Variants in ZNF618 observed in about 807,000 individuals in gnomAD.
The protein encoded by ZNF618 is zinc finger protein 618.
A neutral mutation model predicts 103.0 loss-of-function variants in ZNF618; 34 were observed. The observed-to-expected ratio is 0.33, with a 90% CI of 0.25 to 0.44. The LOEUF is 0.44. Among genes scored for constraint, ZNF618 ranks in the 20% least tolerant of loss-of-function variants. The probability of loss-of-function intolerance (pLI) is 1.00; values close to 1 mark genes in which losing one functional copy is unlikely to be tolerated. For missense variants in ZNF618, 1,059 were observed against 1,295.4 expected (o/e 0.82, Z 2.80); for synonymous variants, 551 against 542.2 (o/e 1.02, Z -0.23).
intron 10 of ZNF618, among the ~76,000 whole-genome samples, chr9:114,027,410 C>T (rs10125470): frequency 0.44 from 67,023 of 152,154 alleles, 15,867 homozygotes; most frequent in Middle Eastern, 0.63. Flanking sequence ...GCTCCCAGCA[C>T]GTGGCCACCA....
chr9:114,007,565 C>A, intron 7 of ZNF618, 126 bp downstream of exon 7: 1 of 829,744 alleles, frequency 1.2e-6, no homozygotes, highest in Non-Finnish European at 1.9e-6. Flanking sequence ...GTAGCTGGAA[C>A]CATGAGGGGA....
At chr9:113,932,055 G>T (rs1833635262) in intron 1 of ZNF618, among the ~76,000 whole-genome samples, 1 of 152,164 alleles carries the variant, frequency 6.6e-6, no homozygotes, top group African/African-American at 2.4e-5. Flanking sequence ...AATAAGATAA[G>T]ACTCCTGCCC....
At chr9:113,885,503 T>C (rs1449599560) in intron 1 of ZNF618, among the ~76,000 whole-genome samples, 1 of 152,084 alleles carries the variant, frequency 6.6e-6, no homozygotes, top group Non-Finnish European at 1.5e-5. Context: ...CTCTTGTATG[T>C]TATTTTATCT....
chr9:113,987,773 C>T (rs1037375234), intron 2 of ZNF618, among the ~76,000 whole-genome samples: 4 of 152,184 alleles, frequency 2.6e-5, no homozygotes, highest in Non-Finnish European at 4.4e-5. Flanking sequence ...GTGGGAGGGT[C>T]GCTTGAGCCC....
chr9:113,944,243 C>T (rs1220990228), intron 1 of ZNF618, among the ~76,000 whole-genome samples: 2 of 152,160 alleles, frequency 1.3e-5, no homozygotes, highest in Non-Finnish European at 2.9e-5. Flanking sequence ...CTCGTCTTCC[C>T]CCTAGAGTAG....
At chr9:113,932,753 G>T (rs574804152) in intron 1 of ZNF618, among the ~76,000 whole-genome samples, 1 of 152,256 alleles carries the variant, frequency 6.6e-6, no homozygotes, top group South Asian at 2.1e-4. Flanking sequence ...CTGAGGACCA[G>T]GTATAGGGGG....
chr9:114,039,552 C>T lies in ZNF618; in HGVS notation c.1246+3175C>T, dbSNP rs148609036. On this transcript the variant is annotated intron_variant, in intron 13 of 14. Transcript: ENST00000374126. ...TTTTAGTAGAGACAGGGTTTCACCA[C>T]GTTGGCCAGGCTGGCCTTGAACTCC... Among the ~76,000 whole-genome samples the T allele has an allele frequency of 7.1e-3, 1,085 of 152,148 alleles. 14 individuals carry two copies. The highest frequency in any genetic ancestry group is 0.025 in the African/African-American group (1,050 of 41,494).
At chr9:114,037,174 G>T (rs1844697858) in intron 13 of ZNF618, among the ~76,000 whole-genome samples, 1 of 152,124 alleles carries the variant, frequency 6.6e-6, no homozygotes, top group South Asian at 2.1e-4. Flanking sequence ...TAAACATACA[G>T]ACCATTTACT....
rs184455021 is a variant in ZNF618, at chr9:114,044,076, T to G, written c.1247-3817T>G. Among the ~76,000 whole-genome samples, 6 of 152,314 alleles carry G rather than the reference T, an allele frequency of 3.9e-5. No homozygotes were observed. In the East Asian group the frequency reaches 1.2e-3, roughly 29 times the overall value. On this transcript the variant is annotated intron_variant, in intron 13 of 14. Coordinates refer to ENST00000374126, the MANE Select transcript of ZNF618 (RefSeq NM_001318042.2). ...TTAAGTCCCATCTATCTCTTTGTTT[T>G]TGGTGCATTTGCTTTGGTGTTCTTG...
rs59445762 is a variant in ZNF618, at chr9:114,037,910, C to T, written c.1246+1533C>T. 7.7e-3 allele frequency among the ~76,000 whole-genome samples: 1,166 copies of T among 152,306 alleles called. 14 individuals carry two copies. Among genetic ancestry groups the T allele is most frequent in the African/African-American group, 0.025 (1,043 of 41,548 alleles). ...CACTTGCCTCGGAGACCTGCTCTAA[C>T]TGGTGTGTCTGGGTGCTGTGTGACC... is the stretch of plus-strand genomic sequence containing the variant. On this transcript the variant is annotated intron_variant, in intron 13 of 14. Transcript: ENST00000374126.
chr9:113,917,550 G>T (rs1832243720), intron 1 of ZNF618, among the ~76,000 whole-genome samples: 1 of 151,482 alleles, frequency 6.6e-6, no homozygotes, highest in African/African-American at 2.4e-5. Context: ...CACCGTGTCT[G>T]GCAAGCCTTC....
At chr9:113,955,240 C>A (rs1207369769) in intron 1 of ZNF618, among the ~76,000 whole-genome samples, 2 of 150,782 alleles carry the variant, frequency 1.3e-5, no homozygotes, top group African/African-American at 2.5e-5. Context: ...CCCTGACTCA[C>A]CCCGTGGAAG....
At chr9:113,991,167 G>A (rs1005346866) in intron 3 of ZNF618, among the ~76,000 whole-genome samples, 4 of 152,206 alleles carry the variant, frequency 2.6e-5, no homozygotes, top group African/African-American at 9.6e-5. Context: ...CACAGTGAGA[G>A]CCCCAGGACC....
At chr9:113,978,828 A>G (rs902890045) in intron 2 of ZNF618, among the ~76,000 whole-genome samples, 5 of 152,140 alleles carry the variant, frequency 3.3e-5, no homozygotes, top group Non-Finnish European at 7.4e-5. Context: ...AAAAAATCCC[A>G]TATCAGGCAT....
rs559568577 is a variant in ZNF618 at position 113,887,955 on chromosome 9, T to G, written c.33+11542T>G. The stretch of plus-strand genomic sequence containing the variant: ...TGAAATACAATCATTGCACATTTGC[T>G]GAGTGCTTATTATATGACTGGCCTT... On this transcript the variant is annotated intron_variant, in intron 1 of 14. Coordinates refer to ENST00000374126, the MANE Select transcript of ZNF618 (RefSeq NM_001318042.2). Among the ~76,000 whole-genome samples the G allele has an allele frequency of 1.2e-4, 19 of 152,356 alleles. No individual in the cohort carries two copies. In the East Asian group the frequency reaches 1.9e-3, roughly 15 times the overall value.
intron 1 of ZNF618, among the ~76,000 whole-genome samples, chr9:113,896,787 C>T (rs1260586499): frequency 6.6e-6 from 1 of 151,972 alleles, no homozygotes; most frequent in Non-Finnish European, 1.5e-5. Context: ...TATTTTATTA[C>T]TAGGTCATTT....
chr9:114,050,416 C>A lies in ZNF618; in HGVS notation c.*249C>A. 2 of 414,372 alleles carry A rather than the reference C, an allele frequency of 4.8e-6. No homozygotes were observed. Among genetic ancestry groups the A allele is most frequent in the Non-Finnish European group, 4.3e-6 (1 of 233,642 alleles). 25.7% of individuals were successfully genotyped at this position (414,372 alleles called of 1,614,324 possible). A position where few individuals can be genotyped will look rare whatever the true frequency, so the allele number is the denominator to read the frequency against. ...GTGGGGGGGTCTCTGTGCTCATCTC[C>A]ATGGCCAGAGAAACTTTGCACACAC... On this transcript the variant is annotated 3_prime_UTR_variant, in exon 15 of 15. Transcript: ENST00000374126.
At chr9:113,923,056 G>A (rs1176732669) in intron 1 of ZNF618, among the ~76,000 whole-genome samples, 1 of 151,522 alleles carries the variant, frequency 6.6e-6, no homozygotes, top group Non-Finnish European at 1.5e-5. Flanking sequence ...TATTTTTTTG[G>A]CACTAATAAA....
At chr9:113,931,891 G>A (rs561413151) in intron 1 of ZNF618, among the ~76,000 whole-genome samples, 32 of 152,208 alleles carry the variant, frequency 2.1e-4, no homozygotes, top group Admixed American at 1.8e-3. Context: ...TTTTATTCCT[G>A]TTGGACAATG....
Sources: gnomAD v4.1 joint callset for allele counts (sites outside exome capture counted in the v4.1 genomes callset) on GRCh38, gnomAD v4.1.1 for gene constraint, MANE v1.5 for transcripts, NCBI Gene and HGNC (gene_info 2026-07-23, HGNC 2026-07-21) for gene names.